The following NELL1 variants were observed in gnomAD, a reference collection of about 807,000 sequenced individuals.
The protein encoded by NELL1 is protein kinase C-binding protein NELL1.
NELL1 carries 76 observed loss-of-function variants against 107.4 expected under a neutral mutation model. The observed-to-expected ratio is 0.71, with a 90% CI of 0.59 to 0.86. NELL1 has a LOEUF of 0.86. Ranked by LOEUF, NELL1 falls within the 40% of genes least tolerant of loss-of-function variation. NELL1 has a pLI of 0.00. For missense variants in NELL1, 1,024 were observed against 1,005.5 expected (o/e 1.02, Z -0.25); for synonymous variants, 353 against 341.2 (o/e 1.03, Z -0.38).
At chr11:21,368,900 G>T (rs907520266) in intron 14 of NELL1, among the ~76,000 whole-genome samples, 1 of 152,020 alleles carries the variant, frequency 6.6e-6, no homozygotes, top group Non-Finnish European at 1.5e-5. Flanking sequence ...CTTTGTAAAT[G>T]TTAACTTATT....
At chr11:21,473,288 C>T (rs1310726550) in intron 15 of NELL1, among the ~76,000 whole-genome samples, 2 of 151,896 alleles carry the variant, frequency 1.3e-5, no homozygotes, top group East Asian at 1.9e-4. Flanking sequence ...CCTCTACAAG[C>T]CTCTGGATCT....
chr11:21,509,480 T>C (rs1310353694), intron 15 of NELL1, among the ~76,000 whole-genome samples: 1 of 152,174 alleles, frequency 6.6e-6, no homozygotes, highest in Non-Finnish European at 1.5e-5. Context: ...AAAGGTAGGA[T>C]AAAATAATAA....
intron 12 of NELL1, among the ~76,000 whole-genome samples, chr11:21,001,281 C>T (rs1389273843): frequency 6.6e-6 from 1 of 152,156 alleles, no homozygotes; most frequent in Non-Finnish European, 1.5e-5. Flanking sequence ...TTTATTTGGA[C>T]AAAGTTGTTA....
chr11:20,770,426 T>C (rs1856617344), intron 2 of NELL1, among the ~76,000 whole-genome samples: 1 of 152,142 alleles, frequency 6.6e-6, no homozygotes, highest in South Asian at 2.1e-4. Flanking sequence ...ACACATTTCT[T>C]GGAGCTTCTG....
intron 13 of NELL1, among the ~76,000 whole-genome samples, chr11:21,132,211 CTG>C (rs1481466581): frequency 1.3e-5 from 2 of 151,900 alleles, no homozygotes; most frequent in East Asian, 1.9e-4. Flanking sequence ...GTGTGCATGT[CTG>C]TGTGTGTATT....
intron 14 of NELL1, among the ~76,000 whole-genome samples, chr11:21,329,054 G>A (rs977657267): frequency 1.2e-4 from 18 of 152,122 alleles, no homozygotes; most frequent in African/African-American, 4.1e-4. Context: ...GAACTATTGG[G>A]AAAGGCATGA....
At chr11:21,492,304 A>C (rs1394721691) in intron 15 of NELL1, among the ~76,000 whole-genome samples, 5 of 151,868 alleles carry the variant, frequency 3.3e-5, no homozygotes, top group South Asian at 2.1e-4. Flanking sequence ...GTGGGACTGT[A>C]AACTAGTTCA....
intron 2 of NELL1, among the ~76,000 whole-genome samples, chr11:20,751,631 C>T (rs1335573146): frequency 7.0e-6 from 1 of 142,896 alleles, no homozygotes; most frequent in East Asian, 2.1e-4. Context: ...CACATGCCAC[C>T]ATGCCTGGCT....
chr11:20,699,483 C>T (rs947176204), intron 2 of NELL1, among the ~76,000 whole-genome samples: 3 of 151,998 alleles, frequency 2.0e-5, no homozygotes, highest in Non-Finnish European at 4.4e-5. Flanking sequence ...GCCTTAGCCT[C>T]CCCAGCAGCT....
At position 20,816,427 on chromosome 11, in the gene NELL1, C is replaced by T. The variant is rs185562811; in HGVS notation, c.336-31156C>T. On this transcript the variant is annotated intron_variant, in intron 3 of 19. Transcript: ENST00000357134. ...TGGCTATTGTAAATGAGATTTAGTT[C>T]TTGATTTGGCTCTCAGTTTGAACAT... Among the ~76,000 whole-genome samples, 31 of 152,142 alleles carry T rather than the reference C, an allele frequency of 2.0e-4. 2 individuals are homozygous for T. The East Asian group carries it at 5.8e-3, about 29-fold the overall frequency.
At chr11:21,303,677 G>T (rs1388286796) in intron 14 of NELL1, among the ~76,000 whole-genome samples, 3 of 152,046 alleles carry the variant, frequency 2.0e-5, no homozygotes, top group Admixed American at 6.6e-5. Flanking sequence ...CAAAGGAAAA[G>T]AAATCAATAT....
intron 13 of NELL1, among the ~76,000 whole-genome samples, chr11:21,213,053 A>G (rs1857535806): frequency 1.3e-5 from 2 of 152,228 alleles, no homozygotes; most frequent in African/African-American, 4.8e-5. Flanking sequence ...TTATTCCTAT[A>G]TACTAGTAAC....
chr11:21,097,634 G>T (rs12575512), intron 12 of NELL1, among the ~76,000 whole-genome samples: 1 of 152,160 alleles, frequency 6.6e-6, no homozygotes, highest in Non-Finnish European at 1.5e-5. Context: ...TTATTGATTA[G>T]AGCTGACGGG....
chr11:21,011,092 C>G (rs753402076), intron 12 of NELL1, among the ~76,000 whole-genome samples: 4 of 152,138 alleles, frequency 2.6e-5, no homozygotes, highest in Non-Finnish European at 5.9e-5. Flanking sequence ...GATGGTTAAT[C>G]TCACACATTG....
At chr11:21,532,737 A>G (rs1204119254) in intron 15 of NELL1, among the ~76,000 whole-genome samples, 1 of 152,196 alleles carries the variant, frequency 6.6e-6, no homozygotes, top group African/African-American at 2.4e-5. Flanking sequence ...TCAGCCTAAC[A>G]TAGAGAAGTC....
At chr11:21,325,722 A>G (rs1850116938) in intron 14 of NELL1, among the ~76,000 whole-genome samples, 2 of 152,172 alleles carry the variant, frequency 1.3e-5, no homozygotes, top group South Asian at 4.1e-4. Context: ...TAATCTCATC[A>G]CTATAAAGAT....
intron 12 of NELL1, among the ~76,000 whole-genome samples, chr11:21,097,548 G>A (rs1590632574): frequency 7.2e-6 from 1 of 138,396 alleles, no homozygotes. Flanking sequence ...GGGATGTGAG[G>A]TACAGAGGTG....
At position 20,847,696 on chromosome 11, in the gene NELL1, A is replaced by G; in HGVS notation, c.449A>G (p.His150Arg). 1.2e-6 allele frequency: 2 copies of G among 1,613,712 alleles called. No individual in the cohort carries two copies. The highest frequency in any genetic ancestry group is 2.2e-5 in the South Asian group (2 of 91,032). The change falls in exon 4 of 20, where the codon CAC becomes CGC. Residue 150 changes from histidine to arginine, a missense_variant. Coordinates refer to ENST00000357134, the MANE Select transcript of NELL1 (RefSeq NM_006157.5). ...TACCGCATGGCAGATGGACAATGGC[A>G]CAAGGTTGCACTGTCAGTTAGCGCC... Reference protein sequence around the residue: ...LPYRMADGQWHKVALSVSASH... With the variant: ...LPYRMADGQWRKVALSVSASH...
At chr11:20,689,506 A>C (rs1854399416) in intron 2 of NELL1, among the ~76,000 whole-genome samples, 1 of 137,944 alleles carries the variant, frequency 7.2e-6, no homozygotes, top group Admixed American at 8.0e-5. Context: ...TCATTGTTCA[A>C]TTCCCATCTA....
Sources: allele counts gnomAD v4.1 joint callset (sites outside exome capture counted in the v4.1 genomes callset), GRCh38; gene constraint gnomAD v4.1.1; transcripts MANE v1.5; gene names NCBI Gene and HGNC (gene_info 2026-07-23, HGNC 2026-07-21).